SWAP70: variants seen among roughly 807,000 people sequenced by gnomAD.
SWAP70 encodes the protein switching B cell complex subunit SWAP70.
A neutral mutation model predicts 80.2 loss-of-function variants in SWAP70; 34 were observed. That is an observed-to-expected ratio of 0.42 (90% confidence interval 0.32 to 0.56). The LOEUF is 0.56. Ranked by LOEUF, SWAP70 falls within the 20% of genes least tolerant of loss-of-function variation. The pLI, the probability that SWAP70 is intolerant of heterozygous loss-of-function variation, is 0.09. For synonymous variants in SWAP70, 239 were observed against 238.5 expected (o/e 1.00, Z -0.02); for missense variants, 578 against 690.7 (o/e 0.84, Z 1.83).
intron 2 of SWAP70, among the ~76,000 whole-genome samples, chr11:9,697,705 C>T (rs1850776001): frequency 6.6e-6 from 1 of 152,208 alleles, no homozygotes; most frequent in South Asian, 2.1e-4. Flanking sequence ...ATATCAGCCT[C>T]ACAATACAAG....
intron 4 of SWAP70, among the ~76,000 whole-genome samples, chr11:9,727,738 G>GT (rs1349365766): frequency 1.3e-5 from 2 of 152,076 alleles, no homozygotes; most frequent in African/African-American, 4.8e-5. Flanking sequence ...ATTTCAATAG[G>GT]TATCTCTAAA....
chr11:9,736,271 G>A (rs979388238), intron 7 of SWAP70, among the ~76,000 whole-genome samples: 1 of 151,708 alleles, frequency 6.6e-6, no homozygotes, highest in Admixed American at 6.6e-5. Flanking sequence ...ACTTCTCTAA[G>A]TATGGTTTCC....
chr11:9,671,118 TATATAA>T (rs1268995818), intron 1 of SWAP70, among the ~76,000 whole-genome samples: 1 of 135,002 alleles, frequency 7.4e-6, no homozygotes, highest in Admixed American at 8.1e-5. Context: ...TATAAAAATA[TATATAA>T]ATATATTTAT....
At chr11:9,679,569 G>A (rs1179471450) in intron 1 of SWAP70, among the ~76,000 whole-genome samples, 3 of 152,218 alleles carry the variant, frequency 2.0e-5, no homozygotes, top group Non-Finnish European at 4.4e-5. Flanking sequence ...TAATAGGACA[G>A]CAGACAATTA....
At chr11:9,726,961 T>C in intron 4 of SWAP70, 1 of 456,264 alleles carries the variant, frequency 2.2e-6, no homozygotes, top group South Asian at 1.5e-5. Context: ...GAAAGGTAGG[T>C]TGGTACCAGA....
At chr11:9,675,324 A>AGAGAGACAGAGGGAGC (rs1850476059) in intron 1 of SWAP70, among the ~76,000 whole-genome samples, 1 of 33,064 alleles carries the variant, frequency 3.0e-5, no homozygotes, top group African/African-American at 4.7e-5. Context: ...AGGGAGCGAG[A>AGAGAGACAGAGGGAGC]GAGAGAGAGA....
chr11:9,748,129 G>A (rs1159982986), intron 10 of SWAP70, 73 bp downstream of exon 10: 5 of 1,454,560 alleles, frequency 3.4e-6, no homozygotes, highest in Non-Finnish European at 4.7e-6. Flanking sequence ...AGAATTATTT[G>A]CTTAGCTGCC....
At chr11:9,705,685 A>T (rs1241730840) in intron 2 of SWAP70, among the ~76,000 whole-genome samples, 3 of 124,126 alleles carry the variant, frequency 2.4e-5, no homozygotes, top group African/African-American at 3.5e-5. Context: ...ACACTTGGTG[A>T]TCTGTATGCA....
At chr11:9,742,314 C>T (rs936965052) in intron 9 of SWAP70, among the ~76,000 whole-genome samples, 9 of 151,660 alleles carry the variant, frequency 5.9e-5, no homozygotes, top group Admixed American at 3.9e-4. Context: ...TTTTTGGAAC[C>T]TGAAATGGAC....
intron 3 of SWAP70, among the ~76,000 whole-genome samples, chr11:9,719,215 G>A (rs1231308086): frequency 1.1e-4 from 17 of 152,034 alleles, no homozygotes; most frequent in Admixed American, 1.1e-3. Context: ...GACCAGCCTG[G>A]GCAACATGGT....
chr11:9,721,475 T>C lies in SWAP70; in HGVS notation c.415-3183T>C, dbSNP rs1403675092. 5.3e-5 allele frequency among the ~76,000 whole-genome samples: 8 copies of C among 150,886 alleles called. No homozygotes were observed. The East Asian group carries it at 5.8e-4, about 11-fold the overall frequency. ...TAATATATTTTTTCTTTCTTTCTTT[T>C]TTTTTTTTTTTAATGAGATAGGGCC... On this transcript the variant is annotated intron_variant, in intron 3 of 11. Coordinates refer to ENST00000318950, the MANE Select transcript of SWAP70 (RefSeq NM_015055.4).
chr11:9,692,580 G>C (rs1034899816), intron 1 of SWAP70, among the ~76,000 whole-genome samples: 5 of 151,962 alleles, frequency 3.3e-5, no homozygotes, highest in Non-Finnish European at 7.4e-5. Context: ...TTGTTAACTT[G>C]GGTAAAGTTC....
chr11:9,699,874 A>ATATATATGTATATATATATATG (rs1302271227), intron 2 of SWAP70, among the ~76,000 whole-genome samples: 29 of 148,874 alleles, frequency 1.9e-4, no homozygotes, highest in African/African-American at 7.3e-4. Context: ...GTGTATATAT[A>ATATATATGTATATATATATATG]TATATATATA....
rs112456782 is a variant in SWAP70, at chr11:9,691,990, A to G, written c.100-2156A>G. On this transcript the variant is annotated intron_variant, in intron 1 of 11. Coordinates refer to ENST00000318950, the MANE Select transcript of SWAP70 (RefSeq NM_015055.4). ...ATCCTTACCTATCCTGTAAGCCATA[A>G]GTTACATTTTACTTCCTCTGTGAAG... Among the ~76,000 whole-genome samples the G allele has an allele frequency of 3.4e-3, 511 of 152,278 alleles. 1 individual carries two copies. The highest frequency in any genetic ancestry group is 0.011 in the African/African-American group (469 of 41,548).
At chr11:9,682,032 G>T (rs1850573968) in intron 1 of SWAP70, among the ~76,000 whole-genome samples, 2 of 152,194 alleles carry the variant, frequency 1.3e-5, no homozygotes, top group African/African-American at 4.8e-5. Flanking sequence ...AAAATGTAGG[G>T]TGGCAGACAT....
chr11:9,720,118 T>G, intron 3 of SWAP70: 1 of 985,342 alleles, frequency 1.0e-6, no homozygotes, highest in Non-Finnish European at 1.2e-6. Flanking sequence ...ATTTATTATT[T>G]AGTATAATTG....
chr11:9,681,219 A>G (rs556744036), intron 1 of SWAP70: 1 of 152,236 alleles, frequency 6.6e-6, no homozygotes, highest in East Asian at 1.9e-4. Flanking sequence ...GGTGACAAAT[A>G]TGGTGGTAGC....
intron 3 of SWAP70, chr11:9,720,377 A>C: frequency 1.0e-6 from 1 of 985,424 alleles, no homozygotes; most frequent in Non-Finnish European, 1.2e-6. Context: ...CTACTTCTAG[A>C]GCTGAGTTTG....
chr11:9,671,608 A>ATG (rs1175135196), intron 1 of SWAP70, among the ~76,000 whole-genome samples: 1 of 49,986 alleles, frequency 2.0e-5, no homozygotes, highest in Non-Finnish European at 5.2e-5. Flanking sequence ...ATATTTATAT[A>ATG]GAAATATATT....
Sources: gnomAD v4.1 joint callset for allele counts (sites outside exome capture counted in the v4.1 genomes callset) on GRCh38, gnomAD v4.1.1 for gene constraint, MANE v1.5 for transcripts, NCBI Gene and HGNC (gene_info 2026-07-23, HGNC 2026-07-21) for gene names.